Variants in DYRK1A observed in about 807,000 individuals in gnomAD.
DYRK1A encodes dual specificity tyrosine-phosphorylation-regulated kinase 1A.
Under a neutral mutation model 79.7 loss-of-function variants are expected in DYRK1A, and 9 were observed. The ratio of observed to expected loss-of-function variants is 0.11; its 90% CI spans 0.07 to 0.20. DYRK1A has a LOEUF of 0.20. Ranked by LOEUF, DYRK1A falls within the 10% of genes least tolerant of loss-of-function variation. DYRK1A has a pLI of 1.00. For synonymous variants in DYRK1A, 349 were observed against 329.7 expected, an observed-to-expected ratio of 1.06 and a Z score of -0.63; for missense variants, 622 against 956.0, an observed-to-expected ratio of 0.65 and a Z score of 4.61.
intron 1 of DYRK1A, among the ~76,000 whole-genome samples, chr21:37,395,478 G>A (rs185761149): frequency 1.3e-5 from 2 of 152,136 alleles, no homozygotes; most frequent in Admixed American, 1.3e-4. Flanking sequence ...ATGGTTTGTG[G>A]CCCTCCAGAA....
At chr21:37,487,870 GCTGTTCACTGTCAGTT>G (rs1273234763) in intron 6 of DYRK1A, 1 of 151,794 alleles carries the variant, frequency 6.6e-6, no homozygotes, top group African/African-American at 2.4e-5. Context: ...ATGAAACTTT[GCTGTTCACTGTCAGTT>G]ATAACTTACA....
At chr21:37,439,463 C>G (rs73218425) in intron 2 of DYRK1A, among the ~76,000 whole-genome samples, 11,479 of 152,168 alleles carry the variant, frequency 0.075, 644 homozygotes, top group Non-Finnish European at 0.11. Flanking sequence ...ACAAGGGTCC[C>G]CAACCCCTGG....
intron 1 of DYRK1A, among the ~76,000 whole-genome samples, chr21:37,394,477 C>T (rs1256361083): frequency 1.3e-5 from 2 of 152,108 alleles, no homozygotes; most frequent in Non-Finnish European, 2.9e-5. Flanking sequence ...TGGCAGGGGT[C>T]TCCAGCCACT....
intron 2 of DYRK1A, among the ~76,000 whole-genome samples, chr21:37,442,316 C>T (rs1046951201): frequency 6.6e-5 from 10 of 152,040 alleles, no homozygotes; most frequent in African/African-American, 2.4e-4. Flanking sequence ...TCCTCTCTGT[C>T]AGGAACTTTA....
chr21:37,367,870 G>C (rs909298714), intron 1 of DYRK1A: 1 of 152,198 alleles, frequency 6.6e-6, no homozygotes, highest in African/African-American at 2.4e-5. Context: ...GGCCTCCCGG[G>C]AGCCGGGGCC....
In DYRK1A at chr21:37,521,103, T is replaced by C. The variant is rs534488009; in HGVS notation, c.*8572T>C. On this transcript the variant is annotated 3_prime_UTR_variant, in exon 12 of 12. Coordinates refer to ENST00000647188, the MANE Select transcript of DYRK1A (RefSeq NM_001347721.2). ...TCTTGAAGAATTCAGATGAGGAGCT[T>C]GTCCAGGGAGGGCTCCCACGTGCGT... 1 of 152,368 alleles carries C rather than the reference T, an allele frequency of 6.6e-6. No individual in the cohort carries two copies. Among genetic ancestry groups the C allele is most frequent in the East Asian group, 1.9e-4 (1 of 5,190 alleles). 9.4% of individuals were successfully genotyped at this position (152,368 alleles called of 1,614,324 possible).
chr21:37,486,780 T>C (rs973279720), intron 6 of DYRK1A, 166 bp downstream of exon 6: 29 of 572,876 alleles, frequency 5.1e-5, no homozygotes, highest in African/African-American at 4.1e-4. Flanking sequence ...GATCTGGTAG[T>C]AATAGTCTAA....
At chr21:37,370,005 A>G (rs139152197) in intron 1 of DYRK1A, among the ~76,000 whole-genome samples, 212 of 152,118 alleles carry the variant, frequency 1.4e-3, no homozygotes, top group African/African-American at 4.9e-3. Flanking sequence ...CATTTGTTAA[A>G]TTTTTTTTCC....
chr21:37,457,801 C>T (rs1457224155), intron 2 of DYRK1A, among the ~76,000 whole-genome samples: 1 of 151,946 alleles, frequency 6.6e-6, no homozygotes. Context: ...TGCTTCTCCC[C>T]TTTTCTCCCT....
rs2052273693 is a variant in DYRK1A, at chr21:37,472,851, G to C, written c.178G>C (p.Asp60His). Residue 60 changes from aspartate (D) to histidine (H), a missense_variant, in exon 3 of 12, where the codon GAC (aspartate) becomes CAC (histidine). By Grantham distance (81) the Asp-to-His change is moderately conservative. Transcript: ENST00000647188. ...DQQVSALSYS[D>H]QIQQPLTNQR... ...ACAGGTTTCTGCCTTATCATATTCT[G>C]ACCAGATTCAGCAACCTCTAACTAA... 1.3e-6 allele frequency: 2 copies of C among 1,593,076 alleles called. No homozygotes were observed. Among genetic ancestry groups the C allele is most frequent in the Non-Finnish European group, 1.7e-6 (2 of 1,166,306 alleles).
At chr21:37,458,716 G>A (rs975232674) in intron 2 of DYRK1A, among the ~76,000 whole-genome samples, 7 of 152,282 alleles carry the variant, frequency 4.6e-5, no homozygotes, top group South Asian at 4.2e-4. Flanking sequence ...GGTATTTCTC[G>A]TTTTACCTGT....
intron 1 of DYRK1A, among the ~76,000 whole-genome samples, chr21:37,390,613 G>A (rs1271630698): frequency 6.6e-6 from 1 of 152,154 alleles, no homozygotes; most frequent in African/African-American, 2.4e-5. Context: ...CTGTCACTCA[G>A]GCTGGAGTGC....
intron 1 of DYRK1A, among the ~76,000 whole-genome samples, chr21:37,392,765 G>T (rs2049895212): frequency 6.6e-6 from 1 of 152,228 alleles, no homozygotes; most frequent in South Asian, 2.1e-4. Context: ...ACACAGGTTA[G>T]GTAGTTTACA....
chr21:37,409,084 A>G (rs190196798), intron 1 of DYRK1A, among the ~76,000 whole-genome samples: 1 of 152,310 alleles, frequency 6.6e-6, no homozygotes, highest in East Asian at 1.9e-4. Context: ...AGAGGTGGAT[A>G]AAGAAGACCC....
At position 37,480,649 on chromosome 21, in the gene DYRK1A, A is replaced by G; in HGVS notation, c.312A>G (p.Ala104=). The G allele has an allele frequency of 6.3e-7, 1 of 1,589,524 alleles. No individual in the cohort carries two copies. The highest frequency in any genetic ancestry group is 8.5e-7 in the Non-Finnish European group (1 of 1,172,198). ...TATTCTCATTTCAGGTTTACTATGC[A>G]AAAAAGAAGCGAAGACACCAACAGG... ...TYKHINEVYY[A]KKKRRHQQGQ... is the part of the protein sequence containing the mutation. The change falls in exon 5 of 12, where the codon GCA becomes GCG. Residue 104 remains alanine, a synonymous_variant. Transcript: ENST00000647188.
intron 1 of DYRK1A, among the ~76,000 whole-genome samples, chr21:37,381,520 G>A (rs2148370842): frequency 6.6e-6 from 1 of 152,286 alleles, no homozygotes; most frequent in African/African-American, 2.4e-5. Flanking sequence ...TGTGGAGAGG[G>A]ATCAGCCTGG....
chr21:37,469,728 A>G (rs1224237755), intron 2 of DYRK1A, among the ~76,000 whole-genome samples: 1 of 152,126 alleles, frequency 6.6e-6, no homozygotes, highest in African/African-American at 2.4e-5. Context: ...CGAGGATAGC[A>G]CTAGGGGGGA....
chr21:37,375,768 C>T (rs373050504), intron 1 of DYRK1A, among the ~76,000 whole-genome samples: 45 of 151,858 alleles, frequency 3.0e-4, no homozygotes, highest in East Asian at 2.5e-3. Context: ...CTTGGCCTCC[C>T]GAAGTGTTGA....
At position 37,461,860 on chromosome 21, in the gene DYRK1A, CTT is replaced by C. The variant is rs113876525; in HGVS notation, c.11-10809_11-10808del. 1.2e-3 allele frequency among the ~76,000 whole-genome samples: 146 copies of C among 125,838 alleles called. 1 individual carries two copies. The highest frequency in any genetic ancestry group is 3.4e-3 in the African/African-American group (120 of 35,226). 82.6% of individuals were successfully genotyped at this position (125,838 alleles called of 152,430 possible). A position where few individuals can be genotyped will look rare whatever the true frequency, so the allele number is the denominator to read the frequency against. On this transcript the variant is annotated intron_variant, in intron 2 of 11. Transcript: ENST00000647188. Reference sequence around the variant, plus strand: ...AGTGTGATTTTTGTGTGACTTTTTCCTTTTTTTTTTTTTTTTAAACTTGTTTT... The same window carrying C: ...AGTGTGATTTTTGTGTGACTTTTTCCTTTTTTTTTTTTTTAAACTTGTTTT...
Sources: allele counts gnomAD v4.1 joint callset (sites outside exome capture counted in the v4.1 genomes callset), GRCh38; gene constraint gnomAD v4.1.1; transcripts MANE v1.5; gene names NCBI Gene and HGNC (gene_info 2026-07-23, HGNC 2026-07-21).